Variants in HMGCLL1 observed in about 807,000 individuals in gnomAD.
The protein encoded by HMGCLL1 is 3-hydroxy-3-methylglutaryl-CoA lyase like 1, also known as 3-hydroxymethyl-3-methylglutaryl-CoA lyase, cytoplasmic.
Under a neutral mutation model 39.1 loss-of-function variants are expected in HMGCLL1, and 36 were observed. The ratio of observed to expected loss-of-function variants is 0.92; its 90% confidence interval spans 0.71 to 1.22. The LOEUF is 1.22. Among genes scored for constraint, HMGCLL1 ranks in the 50% most tolerant of loss-of-function variants. HMGCLL1 has a pLI of 0.00. For synonymous variants in HMGCLL1, 149 were observed against 144.0 expected, an observed-to-expected ratio of 1.03 and a Z score of -0.25; for missense variants, 451 against 416.5, an observed-to-expected ratio of 1.08 and a Z score of -0.72.
chr6:55,552,691 C>A (rs2127465474), intron 1 of HMGCLL1, among the ~76,000 whole-genome samples: 2 of 151,704 alleles, frequency 1.3e-5, no homozygotes, highest in Middle Eastern at 6.8e-3. Context: ...TGTGTAGGAC[C>A]CTGTGCTAGA....
At chr6:55,577,158 G>T (rs563974966) in intron 1 of HMGCLL1, 16 of 1,590,656 alleles carry the variant, frequency 1.0e-5, no homozygotes, top group African/African-American at 1.4e-5. Context: ...AGGTTTGTTA[G>T]AAGAGAAGTC....
chr6:55,569,632 G>A (rs1771376233), intron 1 of HMGCLL1, among the ~76,000 whole-genome samples: 1 of 152,124 alleles, frequency 6.6e-6, no homozygotes, highest in South Asian at 2.1e-4. Context: ...ATGAGCTACT[G>A]GATGTAAACA....
At chr6:55,592,855 C>T in the HMGCLL1 span, among the ~76,000 whole-genome samples, 3 of 152,202 alleles carry the variant, frequency 2.0e-5, no homozygotes, top group South Asian at 6.2e-4. Flanking sequence ...TTACTACCAA[C>T]ACATGGCTAG....
intron 1 of HMGCLL1, among the ~76,000 whole-genome samples, chr6:55,548,741 GA>G (rs1417915549): frequency 1.3e-5 from 2 of 151,652 alleles, no homozygotes; most frequent in East Asian, 3.9e-4. Flanking sequence ...AGAGGAAATA[GA>G]AAATATGAGA....
chr6:55,518,953 T>A (rs1378190855), intron 3 of HMGCLL1, among the ~76,000 whole-genome samples: 1 of 152,112 alleles, frequency 6.6e-6, no homozygotes, highest in Non-Finnish European at 1.5e-5. Context: ...CTATAAAAGC[T>A]GCAACACTGA....
chr6:55,650,126 T>TACACACATATAC, the HMGCLL1 span, among the ~76,000 whole-genome samples: 6 of 53,746 alleles, frequency 1.1e-4, no homozygotes, highest in East Asian at 1.4e-3. Context: ...TATATATATA[T>TACACACATATAC]ATATATATAC....
the HMGCLL1 span, among the ~76,000 whole-genome samples, chr6:55,612,500 C>A: frequency 6.6e-6 from 1 of 152,116 alleles, no homozygotes; most frequent in Non-Finnish European, 1.5e-5. Flanking sequence ...AAAGACAATC[C>A]TAAGCAAAAG....
chr6:55,537,098 AT>A (rs35004402), intron 3 of HMGCLL1, among the ~76,000 whole-genome samples: 3 of 151,726 alleles, frequency 2.0e-5, no homozygotes, highest in African/African-American at 4.8e-5. Context: ...ACTTCATAAG[AT>A]TTTTTTTCCA....
At chr6:55,454,847 T>TATTACACATGTATTACACATG (rs1764253491) in intron 7 of HMGCLL1, among the ~76,000 whole-genome samples, 1 of 152,214 alleles carries the variant, frequency 6.6e-6, no homozygotes, top group Non-Finnish European at 1.5e-5. Context: ...ATTCCACCAT[T>TATTACACATGTATTACACATG]TATTAGGAGA....
At chr6:55,650,776 C>T in the HMGCLL1 span, among the ~76,000 whole-genome samples, 1 of 152,036 alleles carries the variant, frequency 6.6e-6, no homozygotes, top group Non-Finnish European at 1.5e-5. Context: ...TTGCTCTTCC[C>T]TCCCATTTCC....
intron 3 of HMGCLL1, among the ~76,000 whole-genome samples, chr6:55,535,444 A>C (rs1259022833): frequency 6.6e-6 from 1 of 152,176 alleles, no homozygotes; most frequent in Non-Finnish European, 1.5e-5. Flanking sequence ...TATGTGGAAG[A>C]CCCACAGTTG....
chr6:55,472,582 A>G (rs772881538), intron 7 of HMGCLL1, among the ~76,000 whole-genome samples: 3 of 151,532 alleles, frequency 2.0e-5, no homozygotes, highest in Non-Finnish European at 3.0e-5. Context: ...TTGTTATTCA[A>G]TCTTATAATA....
At chr6:55,559,630 T>C (rs1379459156) in intron 1 of HMGCLL1, among the ~76,000 whole-genome samples, 1 of 152,202 alleles carries the variant, frequency 6.6e-6, no homozygotes, top group Non-Finnish European at 1.5e-5. Flanking sequence ...AAAATTCACC[T>C]GCAATTATTA....
At chr6:55,630,736 A>G in the HMGCLL1 span, among the ~76,000 whole-genome samples, 1 of 150,322 alleles carries the variant, frequency 6.7e-6, no homozygotes, top group Admixed American at 6.6e-5. Context: ...TGATGGTTTT[A>G]TAAGGGGGAC....
At chr6:55,515,044 A>G (rs1171894037) in intron 4 of HMGCLL1, among the ~76,000 whole-genome samples, 4 of 152,102 alleles carry the variant, frequency 2.6e-5, no homozygotes, top group African/African-American at 9.6e-5. Flanking sequence ...CACAAGGTCA[A>G]GAGATCAAGA....
At chr6:55,552,209 A>G (rs1770373170) in intron 1 of HMGCLL1, among the ~76,000 whole-genome samples, 1 of 151,998 alleles carries the variant, frequency 6.6e-6, no homozygotes, top group Non-Finnish European at 1.5e-5. Flanking sequence ...CCCCGTAGTG[A>G]TCTATCTCTG....
intron 8 of HMGCLL1, 90 bp downstream of exon 8, chr6:55,439,344 G>T: frequency 7.8e-7 from 1 of 1,280,108 alleles, no homozygotes; most frequent in Non-Finnish European, 1.1e-6. Flanking sequence ...GTAAAACTTT[G>T]ACCTCAAAAT....
intron 7 of HMGCLL1, among the ~76,000 whole-genome samples, chr6:55,476,993 TA>T (rs1765324313): frequency 9.1e-6 from 1 of 110,420 alleles, no homozygotes; most frequent in South Asian, 3.2e-4. Context: ...GCCTTGTTTA[TA>T]AAAATTATGG....
chr6:55,516,784 A>G (rs1767764209), intron 3 of HMGCLL1, among the ~76,000 whole-genome samples, 181 bp from the exon 4 acceptor site: 1 of 152,134 alleles, frequency 6.6e-6, no homozygotes, highest in Non-Finnish European at 1.5e-5. Context: ...ACTTATAATA[A>G]GTAGAGATAA....
Sources: gnomAD v4.1 joint callset for allele counts (sites outside exome capture counted in the v4.1 genomes callset) on GRCh38, gnomAD v4.1.1 for gene constraint, MANE v1.5 for transcripts, NCBI Gene and HGNC (gene_info 2026-07-23, HGNC 2026-07-21) for gene names.